The following NHSL1 variants were observed in gnomAD, a reference collection of about 807,000 sequenced individuals.
NHSL1 encodes NHS like 1.
In NHSL1, 48 loss-of-function variants were observed where a neutral mutation model predicts 95.0. That is an observed-to-expected ratio of 0.51 (90% CI 0.40 to 0.64). The LOEUF (loss-of-function observed/expected upper bound fraction) is 0.64, where lower values mean the gene tolerates loss of function less well. Ranked by LOEUF, NHSL1 falls within the 30% of genes least tolerant of loss-of-function variation. The pLI is 0.00. For missense variants in NHSL1, 1,971 were observed against 2,077.7 expected (o/e 0.95, Z 1.00); for synonymous variants, 783 against 833.9 (o/e 0.94, Z 1.05).
At chr6:138,535,625 G>C (rs1354493389) in intron 1 of NHSL1, among the ~76,000 whole-genome samples, 1 of 152,056 alleles carries the variant, frequency 6.6e-6, no homozygotes, top group Non-Finnish European at 1.5e-5. Flanking sequence ...AGGTTTTTGG[G>C]ATAAGCAACT....
At chr6:138,497,402 G>C (rs182851970) in intron 1 of NHSL1, among the ~76,000 whole-genome samples, 1 of 152,192 alleles carries the variant, frequency 6.6e-6, no homozygotes, top group South Asian at 2.1e-4. Context: ...GCAGATACTT[G>C]AATTGTGAGT....
chr6:138,440,381 G>A (rs1329321460), intron 5 of NHSL1, among the ~76,000 whole-genome samples: 1 of 152,156 alleles, frequency 6.6e-6, no homozygotes, highest in Non-Finnish European at 1.5e-5. Flanking sequence ...AAGGTGCCTG[G>A]AGACCTCAGG....
At chr6:138,563,065 A>G (rs1157283284) in intron 1 of NHSL1, among the ~76,000 whole-genome samples, 1 of 152,202 alleles carries the variant, frequency 6.6e-6, no homozygotes, top group African/African-American at 2.4e-5. Flanking sequence ...TCATTTCTCC[A>G]TCTGAAGAAT....
chr6:138,558,792 C>T (rs1783300312), intron 1 of NHSL1, among the ~76,000 whole-genome samples: 1 of 152,190 alleles, frequency 6.6e-6, no homozygotes, highest in Non-Finnish European at 1.5e-5. Context: ...CCTATATTCC[C>T]AGCACTTTGG....
intron 1 of NHSL1, among the ~76,000 whole-genome samples, chr6:138,591,125 A>C (rs1428959863): frequency 6.6e-6 from 1 of 152,162 alleles, no homozygotes; most frequent in Admixed American, 6.5e-5. Context: ...ACTCAGACCT[A>C]TCTTTTTGAA....
intron 3 of NHSL1, among the ~76,000 whole-genome samples, chr6:138,464,715 C>CTTTCTTT (rs1778238854): frequency 8.4e-6 from 1 of 119,024 alleles, no homozygotes; most frequent in African/African-American, 3.5e-5. Flanking sequence ...TTTTTCTTTT[C>CTTTCTTT]TTTTTTTTTT....
chr6:138,553,083 C>T (rs6909285), intron 1 of NHSL1, among the ~76,000 whole-genome samples: 6,619 of 152,160 alleles, frequency 0.044, 472 homozygotes, highest in African/African-American at 0.15. Context: ...AAAAAAATCA[C>T]GTTTCTACTT....
upstream of NHSL1, among the ~76,000 whole-genome samples, chr6:138,547,329 T>TA (rs11314239): frequency 0.34 from 50,272 of 146,438 alleles, 8,777 homozygotes; most frequent in Middle Eastern, 0.5. Context: ...TAGTTAGGAT[T>TA]AAAAAAAAAA....
intron 3 of NHSL1, 22 bp from the exon 4 acceptor site, chr6:138,447,215 C>T (rs1338584603): frequency 6.5e-6 from 10 of 1,536,082 alleles, no homozygotes; most frequent in African/African-American, 4.1e-5. Flanking sequence ...AAAGAAGCAG[C>T]AGCCACAGTG....
In NHSL1 at chr6:138,499,160, G is replaced by C. The variant is rs12213346; in HGVS notation, c.58+73C>G. 3,701 of 405,968 alleles carry C rather than the reference G, an allele frequency of 9.1e-3. 28 individuals carry two copies. Among genetic ancestry groups the C allele is most frequent in the African/African-American group, 0.02 (860 of 42,736 alleles). The allele number at this position is 405,968 out of a possible 1,614,324, so 25.1% of individuals were successfully genotyped here. A position where few individuals can be genotyped will look rare whatever the true frequency, so the allele number is the denominator to read the frequency against. On this transcript the variant is annotated intron_variant, in intron 1 of 7. Coordinates refer to ENST00000343505, the MANE Select transcript of NHSL1 (RefSeq NM_001144060.2). ...ACACACACACACACACACACACACA[G>C]ACACACAGGGACATATACACATATG...
intron 3 of NHSL1, among the ~76,000 whole-genome samples, chr6:138,466,168 T>C (rs567131224): frequency 1.3e-5 from 2 of 151,952 alleles, no homozygotes; most frequent in South Asian, 2.1e-4. Flanking sequence ...GTCTCCCGAA[T>C]AGCTGGGACT....
intron 1 of NHSL1, among the ~76,000 whole-genome samples, chr6:138,600,505 T>C (rs1380611894): frequency 6.6e-6 from 1 of 152,240 alleles, no homozygotes; most frequent in Admixed American, 6.5e-5. Flanking sequence ...GAACATTCTT[T>C]CCAAATGCTT....
intron 3 of NHSL1, among the ~76,000 whole-genome samples, chr6:138,462,171 A>G (rs7768788): frequency 0.14 from 20,838 of 152,240 alleles, 1,471 homozygotes; most frequent in Middle Eastern, 0.17. Flanking sequence ...ATCTGAGACT[A>G]GGTAGTTTAT....
intron 1 of NHSL1, among the ~76,000 whole-genome samples, chr6:138,687,291 AAG>A (rs1275215356): frequency 2.0e-5 from 3 of 148,642 alleles, no homozygotes; most frequent in Non-Finnish European, 3.0e-5. Context: ...AAAAAAAAAA[AAG>A]AAGAAGAAGA....
chr6:138,594,303 T>G (rs1008087089), intron 1 of NHSL1, among the ~76,000 whole-genome samples: 6 of 152,224 alleles, frequency 3.9e-5, no homozygotes, highest in Admixed American at 1.3e-4. Flanking sequence ...GGAGTATCTA[T>G]TCAGTCATTT....
At chr6:138,689,890 C>T (rs1369978525) in intron 1 of NHSL1, among the ~76,000 whole-genome samples, 2 of 152,022 alleles carry the variant, frequency 1.3e-5, no homozygotes, top group South Asian at 4.1e-4. Flanking sequence ...TCAAATGATC[C>T]GCCCACCTTG....
chr6:138,437,385 T>TATATAC lies in NHSL1; in HGVS notation c.665-3706_665-3705insGTATAT, dbSNP rs1562270541. 8.2e-5 allele frequency among the ~76,000 whole-genome samples: 7 copies of TATATAC among 84,902 alleles called. 1 individual carries two copies. Among genetic ancestry groups the TATATAC allele is most frequent in the Non-Finnish European group, 1.4e-4 (7 of 48,578 alleles). 55.7% of individuals were successfully genotyped at this position (84,902 alleles called of 152,430 possible). On this transcript the variant is annotated intron_variant, in intron 5 of 7. Transcript: ENST00000343505. ...ATATATATATATACACATATATATATACACATATATATATATATACACACA... is the reference window on the plus strand; with the variant it reads ...ATATATATATATACACATATATATATATATACACACATATATATATATATACACACA...
chr6:138,561,709 T>G (rs1734678309), intron 1 of NHSL1, among the ~76,000 whole-genome samples: 1 of 152,170 alleles, frequency 6.6e-6, no homozygotes, highest in Non-Finnish European at 1.5e-5. Context: ...CGCCCAAGCA[T>G]GCACTCAAAC....
chr6:138,614,159 G>A (rs988981334), intron 1 of NHSL1, among the ~76,000 whole-genome samples: 3 of 152,160 alleles, frequency 2.0e-5, no homozygotes, highest in African/African-American at 4.8e-5. Flanking sequence ...CCAATGTAAT[G>A]TAAATAGAAA....
Sources: gnomAD v4.1 joint callset for allele counts (sites outside exome capture counted in the v4.1 genomes callset) on GRCh38, gnomAD v4.1.1 for gene constraint, MANE v1.5 for transcripts, NCBI Gene and HGNC (gene_info 2026-07-23, HGNC 2026-07-21) for gene names.